The following CCAR1 variants were observed in gnomAD, a reference collection of about 807,000 sequenced individuals.
CCAR1 encodes the protein cell division cycle and apoptosis regulator protein 1.
CCAR1 carries 78 observed loss-of-function variants against 163.8 expected under a neutral mutation model. The ratio of observed to expected loss-of-function variants is 0.48; its 90% CI spans 0.40 to 0.57. CCAR1 has a LOEUF of 0.57. Among genes scored for constraint, CCAR1 ranks in the 20% least tolerant of loss-of-function variants. CCAR1 has a pLI of 0.00. For missense variants in CCAR1, 1,019 were observed against 1,365.2 expected (o/e 0.75, Z 4.00); for synonymous variants, 443 against 460.7 (o/e 0.96, Z 0.49).
intron 17 of CCAR1, among the ~76,000 whole-genome samples, chr10:68,767,299 A>T (rs1331325659): frequency 6.6e-6 from 1 of 152,122 alleles, no homozygotes; most frequent in African/African-American, 2.4e-5. Context: ...AGACAGTCTC[A>T]CTTTGTTGCC....
At position 68,786,620 on chromosome 10, in the gene CCAR1, T is replaced by C; in HGVS notation, c.2808T>C (p.His936=). The part of the protein sequence containing the change: ...LMAFVYFDQS[H]CGYLLEKDLE... The stretch of plus-strand genomic sequence containing the variant: ...CTTTTGTTTATTTTGATCAAAGTCA[T>C]TGTGGTTACCTTCTTGAAAAGGATT... Residue 936 remains histidine, a synonymous_variant, in exon 21 of 25, where the codon CAT becomes CAC. Coordinates refer to ENST00000265872, the MANE Select transcript of CCAR1 (RefSeq NM_018237.4). 9 of 1,604,952 alleles carry C rather than the reference T, an allele frequency of 5.6e-6. No homozygotes were observed. The highest frequency in any genetic ancestry group is 7.7e-6 in the Non-Finnish European group (9 of 1,175,326).
At chr10:68,776,329 C>T (rs1186046034) in intron 19 of CCAR1, among the ~76,000 whole-genome samples, 19 of 151,246 alleles carry the variant, frequency 1.3e-4, no homozygotes, top group Admixed American at 1.2e-3. Flanking sequence ...TTTGGGAGGC[C>T]AAGGTGGGTG....
At position 68,789,772 on chromosome 10, in the gene CCAR1, A is replaced by G. The variant is rs2056833227; in HGVS notation, c.3250A>G (p.Arg1084Gly). 6.2e-7 allele frequency: 1 copy of G among 1,607,862 alleles called. No individual in the cohort carries two copies. Among genetic ancestry groups the G allele is most frequent in the South Asian group, 1.1e-5 (1 of 88,872 alleles). The change falls in exon 24 of 25, where the codon AGA becomes GGA. Residue 1084 changes from arginine to glycine, a missense_variant. Arg to Gly is a moderately radical substitution (Grantham distance 125). Transcript: ENST00000265872. ...CAACAAAAGCCTCTCTGGTGAACTCAGAGAAGTTAAAAAGGACCTTAGTCA... is the reference window on the plus strand; with the variant it reads ...CAACAAAAGCCTCTCTGGTGAACTCGGAGAAGTTAAAAAGGACCTTAGTCA... ...NSNKSLSGEL[R>G]EVKKDLSQLQ...
At chr10:68,762,359 A>C (rs1484362427) in intron 16 of CCAR1, among the ~76,000 whole-genome samples, 1 of 152,132 alleles carries the variant, frequency 6.6e-6, no homozygotes, top group Non-Finnish European at 1.5e-5. Context: ...AACAAACAAA[A>C]AAAAAACAGT....
chr10:68,766,425 A>T (rs1310629952), intron 17 of CCAR1, among the ~76,000 whole-genome samples: 1 of 150,062 alleles, frequency 6.7e-6, no homozygotes, highest in East Asian at 2.0e-4. Flanking sequence ...CTGGTCTCGA[A>T]CTCCTGACCT....
chr10:68,750,571 T>G (rs993833115), intron 10 of CCAR1, among the ~76,000 whole-genome samples: 2 of 152,154 alleles, frequency 1.3e-5, no homozygotes, highest in Non-Finnish European at 2.9e-5. Flanking sequence ...AAAGGTAATA[T>G]TAACTAGCAA....
Position 68,766,892 on chromosome 10 carries a change from GA to G in CCAR1, c.2298+819del, listed in dbSNP as rs142278812. ...TTTTTTGTTGTAGTCTACTTCTTGG[GA>G]AAAAATAGATGATTTGTCCTCTAAC... is the stretch of plus-strand genomic sequence containing the variant. On this transcript the variant is annotated intron_variant, in intron 17 of 24. Transcript: ENST00000265872. Among the ~76,000 whole-genome samples, 439 of 152,164 alleles carry G rather than the reference GA, an allele frequency of 2.9e-3. 7 individuals are homozygous for G. The highest frequency in any genetic ancestry group is 9.9e-3 in the African/African-American group (413 of 41,532).
intron 17 of CCAR1, among the ~76,000 whole-genome samples, chr10:68,770,904 T>C (rs951960631): frequency 2.0e-5 from 3 of 152,094 alleles, no homozygotes; most frequent in South Asian, 4.2e-4. Context: ...GGTGAAACCC[T>C]GTCTCTACTA....
intron 18 of CCAR1, among the ~76,000 whole-genome samples, chr10:68,771,866 A>AT (rs1011920609): frequency 8.0e-5 from 12 of 150,058 alleles, no homozygotes; most frequent in East Asian, 5.9e-4. Flanking sequence ...TATTCTTAAA[A>AT]TTTTTTTTTC....
chr10:68,777,225 G>A (rs1185527683), intron 19 of CCAR1, among the ~76,000 whole-genome samples: 1 of 152,152 alleles, frequency 6.6e-6, no homozygotes, highest in Non-Finnish European at 1.5e-5. Context: ...CTCTTGCCTA[G>A]ATTATATTAA....
intron 17 of CCAR1, among the ~76,000 whole-genome samples, chr10:68,769,680 G>A (rs770848543): frequency 4.6e-5 from 7 of 152,186 alleles, no homozygotes; most frequent in Middle Eastern, 3.4e-3. Context: ...GGTGGCTCAC[G>A]CCTTTAATCC....
intron 10 of CCAR1, among the ~76,000 whole-genome samples, chr10:68,752,170 G>A (rs1013446301): frequency 8.6e-5 from 13 of 151,582 alleles, no homozygotes; most frequent in African/African-American, 2.9e-4. Context: ...CGCCCACCTC[G>A]GCCTCCCAAA....
intron 12 of CCAR1, 84 bp downstream of exon 12, chr10:68,754,911 A>G (rs940000612): frequency 1.4e-6 from 1 of 732,424 alleles, no homozygotes. Flanking sequence ...AAAGCCCTAC[A>G]TTTTAATATT....
At chr10:68,768,127 A>G (rs2056557711) in intron 17 of CCAR1, among the ~76,000 whole-genome samples, 1 of 152,208 alleles carries the variant, frequency 6.6e-6, no homozygotes, top group South Asian at 2.1e-4. Flanking sequence ...AAAATCAAGG[A>G]TGACTAGAGA....
At chr10:68,790,329 TGG>T (rs2056839134) in intron 24 of CCAR1, among the ~76,000 whole-genome samples, 2 of 150,432 alleles carry the variant, frequency 1.3e-5, no homozygotes, top group Non-Finnish European at 2.9e-5. Context: ...CACTCTAGCC[TGG>T]GCAACAGAAC....
intron 19 of CCAR1, among the ~76,000 whole-genome samples, chr10:68,778,656 T>G (rs1453300716): frequency 6.6e-6 from 1 of 152,228 alleles, no homozygotes; most frequent in Non-Finnish European, 1.5e-5. Flanking sequence ...GATTTTTATC[T>G]GTGTTCTTTG....
intron 19 of CCAR1, among the ~76,000 whole-genome samples, chr10:68,778,261 ACT>A (rs1432593356): frequency 1.3e-5 from 2 of 151,840 alleles, no homozygotes; most frequent in Non-Finnish European, 2.9e-5. Context: ...GACTTACAAG[ACT>A]CTACCACGTC....
Position 68,788,169 on chromosome 10 carries a change from A to G in CCAR1, c.3028A>G (p.Thr1010Ala). 6.3e-7 allele frequency: 1 copy of G among 1,579,512 alleles called. No individual in the cohort carries two copies. The highest frequency in any genetic ancestry group is 8.6e-7 in the Non-Finnish European group (1 of 1,168,408). ...LGNRLLLPTP[T>A]VKQESKDVEE... ...AAACAGATTATTACTTCCAACACCAACAGTAAAGCAGGAATCAAAGGATGT... is the reference window on the plus strand; with the variant it reads ...AAACAGATTATTACTTCCAACACCAGCAGTAAAGCAGGAATCAAAGGATGT... Residue 1010 changes from threonine to alanine, a missense_variant, in exon 23 of 25, where the codon ACA becomes GCA. Thr to Ala is a moderately conservative substitution (Grantham distance 58, BLOSUM62 0). Transcript: ENST00000265872.
intron 21 of CCAR1, among the ~76,000 whole-genome samples, chr10:68,787,652 A>G (rs1170956257): frequency 6.6e-6 from 1 of 152,126 alleles, no homozygotes; most frequent in African/African-American, 2.4e-5. Context: ...CCTGGCTAAC[A>G]TGGTGAAACC....
Sources: gnomAD v4.1 joint callset for allele counts (sites outside exome capture counted in the v4.1 genomes callset) on GRCh38, gnomAD v4.1.1 for gene constraint, MANE v1.5 for transcripts, NCBI Gene and HGNC (gene_info 2026-07-23, HGNC 2026-07-21) for gene names.